The following NETO2 variants were observed in gnomAD, a reference collection of about 807,000 sequenced individuals.
NETO2 encodes the protein neuropilin and tolloid like 2.
In NETO2, 28 loss-of-function variants were observed where a neutral mutation model predicts 62.5. That is an observed-to-expected ratio of 0.45 (90% CI 0.33 to 0.61). NETO2 has a LOEUF of 0.61. NETO2 is among the 20% of genes least tolerant of loss of function. The probability of loss-of-function intolerance (pLI) is 0.02; values close to 1 mark genes in which losing one functional copy is unlikely to be tolerated. For synonymous variants in NETO2, 214 were observed against 219.1 expected (o/e 0.98, Z 0.21); for missense variants, 548 against 643.2 (o/e 0.85, Z 1.60).
intron 4 of NETO2, among the ~76,000 whole-genome samples, chr16:47,127,505 G>C (rs1240419698): frequency 6.6e-6 from 1 of 152,180 alleles, no homozygotes; most frequent in Non-Finnish European, 1.5e-5. Context: ...ATTAGGTTAA[G>C]GATCTTGAAA....
At chr16:47,132,262 A>G (rs2151492097) in intron 1 of NETO2, among the ~76,000 whole-genome samples, 1 of 152,144 alleles carries the variant, frequency 6.6e-6, no homozygotes, top group Middle Eastern at 3.4e-3. Flanking sequence ...TTAATAATAC[A>G]TGGCATTGAA....
At chr16:47,092,447 A>T (rs1963332132) in intron 7 of NETO2, among the ~76,000 whole-genome samples, 1 of 152,076 alleles carries the variant, frequency 6.6e-6, no homozygotes, top group South Asian at 2.1e-4. Flanking sequence ...TACATTCTTT[A>T]TTTCATACCA....
intron 7 of NETO2, among the ~76,000 whole-genome samples, chr16:47,086,963 A>C (rs1296679890): frequency 6.6e-6 from 1 of 152,194 alleles, no homozygotes; most frequent in African/African-American, 2.4e-5. Context: ...CATAAAAAGA[A>C]ATGAAATTAT....
chr16:47,086,435 C>A (rs555174691), intron 7 of NETO2, 96 bp from the exon 8 acceptor site: 1 of 727,770 alleles, frequency 1.4e-6, no homozygotes. Context: ...ACTTTCTTAC[C>A]GCAAAGGCCT....
intron 7 of NETO2, among the ~76,000 whole-genome samples, chr16:47,099,689 T>A (rs1596711657): frequency 6.6e-6 from 1 of 151,058 alleles, no homozygotes; most frequent in African/African-American, 2.4e-5. Flanking sequence ...GACTTTAAAC[T>A]AACAATGATC....
rs868735494 is a variant in NETO2 at position 47,115,730 on chromosome 16, T to C, written c.655-6019A>G. On this transcript the variant is annotated intron_variant, in intron 6 of 8. Transcript: ENST00000562435. Reference sequence around the variant, plus strand: ...ATATATATACATATATATATATATATACATGTATATATATATATTTTGTAG... The same window carrying C: ...ATATATATACATATATATATATATACACATGTATATATATATATTTTGTAG... 5.1e-4 allele frequency among the ~76,000 whole-genome samples: 64 copies of C among 125,982 alleles called. 2 individuals carry two copies. The highest frequency in any genetic ancestry group is 3.8e-3 in the Middle Eastern group (1 of 260). The allele number at this position is 125,982 out of a possible 152,430, so 82.6% of individuals were successfully genotyped here.
Position 47,122,784 on chromosome 16 carries a change from T to C in NETO2, c.527A>G (p.Asp176Gly). 1 of 1,613,870 alleles carries C rather than the reference T, an allele frequency of 6.2e-7. No individual in the cohort carries two copies. The highest frequency in any genetic ancestry group is 8.5e-7 in the Non-Finnish European group (1 of 1,179,980). The change falls in exon 6 of 9, where the codon GAT (aspartate) becomes GGT (glycine). Residue 176 changes from aspartate (D) to glycine (G), a missense_variant and splice_region_variant. Asp to Gly is a moderately conservative substitution (Grantham distance 94). Coordinates refer to ENST00000562435, the MANE Select transcript of NETO2 (RefSeq NM_018092.5). The stretch of plus-strand genomic sequence containing the variant: ...AGCTCCCGAGAGCTCGAACTGACAA[T>C]CTGGAAGGAATACATGAAAGGTGTT... The part of the protein sequence containing the change: ...YLGGILNPIP[D>G]CQFELSGADG...
At position 47,134,754 on chromosome 16, in the gene NETO2, G is replaced by A. The variant is rs554606088; in HGVS notation, c.35-2729C>T. On this transcript the variant is annotated intron_variant, in intron 1 of 8. Transcript: ENST00000562435. ...AGGCAAGACAGCAACGGCAACTATG[G>A]CAAAGGGATGAACTGTGCCAGCACA... 2.0e-5 allele frequency among the ~76,000 whole-genome samples: 3 copies of A among 152,330 alleles called. No individual in the cohort carries two copies. The South Asian group carries it at 6.2e-4, about 32-fold the overall frequency.
At chr16:47,125,478 T>G (rs1414631580) in intron 4 of NETO2, among the ~76,000 whole-genome samples, 1 of 151,878 alleles carries the variant, frequency 6.6e-6, no homozygotes, top group Non-Finnish European at 1.5e-5. Flanking sequence ...CCTGAGTGGG[T>G]GGGATTACAG....
chr16:47,111,725 G>A (rs568876680), intron 6 of NETO2, among the ~76,000 whole-genome samples: 2 of 152,262 alleles, frequency 1.3e-5, no homozygotes, highest in South Asian at 2.1e-4. Context: ...CTGCAGATGC[G>A]AACTTTCCCT....
chr16:47,133,678 G>A (rs904454925), intron 1 of NETO2, among the ~76,000 whole-genome samples: 1 of 151,140 alleles, frequency 6.6e-6, no homozygotes, highest in Non-Finnish European at 1.5e-5. Flanking sequence ...ATGGAGGCAT[G>A]AGCTCTAACC....
intron 6 of NETO2, among the ~76,000 whole-genome samples, chr16:47,112,912 A>C (rs1963830001): frequency 6.6e-6 from 1 of 152,348 alleles, no homozygotes; most frequent in African/African-American, 2.4e-5. Flanking sequence ...TTTCATACTT[A>C]CATATCTATA....
In NETO2 at chr16:47,078,595, A is replaced by T. The variant is rs954284598; in HGVS notation, c.*4626T>A. 6 of 152,234 alleles carry T rather than the reference A, an allele frequency of 3.9e-5. No individual in the cohort carries two copies. The highest frequency in any genetic ancestry group is 7.3e-5 in the Non-Finnish European group (5 of 68,036). The allele number at this position is 152,234 out of a possible 1,614,324, so 9.4% of individuals were successfully genotyped here. A position where few individuals can be genotyped will look rare whatever the true frequency, so the allele number is the denominator to read the frequency against. ...TATTAGCAGAGGTATATAAAACATA[A>T]GTGATTTTGCAGAAAACTAAAATAT... On this transcript the variant is annotated 3_prime_UTR_variant, in exon 9 of 9. Transcript: ENST00000562435.
intron 6 of NETO2, among the ~76,000 whole-genome samples, chr16:47,117,418 G>A (rs1376560112): frequency 6.6e-6 from 1 of 152,032 alleles, no homozygotes; most frequent in Admixed American, 6.6e-5. Flanking sequence ...TTCAAGTTTG[G>A]GACTTTTTAG....
intron 2 of NETO2, among the ~76,000 whole-genome samples, chr16:47,131,718 T>C (rs1964269539): frequency 6.6e-6 from 1 of 152,228 alleles, no homozygotes; most frequent in Admixed American, 6.5e-5. Flanking sequence ...TTTTTGGACA[T>C]AATCCACAGT....
chr16:47,131,869 C>G (rs1964272440), intron 2 of NETO2, 100 bp downstream of exon 2: 2 of 968,118 alleles, frequency 2.1e-6, no homozygotes, highest in Admixed American at 3.5e-5. Flanking sequence ...TGGAACACCC[C>G]AAAGGGATTA....
chr16:47,079,563 C>A lies in NETO2; in HGVS notation c.*3658G>T, dbSNP rs1034908737. 5 of 152,418 alleles carry A rather than the reference C, an allele frequency of 3.3e-5. No individual in the cohort carries two copies. The highest frequency in any genetic ancestry group is 4.4e-5 in the Non-Finnish European group (3 of 68,254). 9.4% of individuals were successfully genotyped at this position (152,418 alleles called of 1,614,324 possible). A position where few individuals can be genotyped will look rare whatever the true frequency, so the allele number is the denominator to read the frequency against. Reference sequence around the variant, plus strand: ...TGAGCCGAGATCGCGCCACTGCACTCCAGCCTGGGCGACAGAGCGAGACTC... The same window carrying A: ...TGAGCCGAGATCGCGCCACTGCACTACAGCCTGGGCGACAGAGCGAGACTC... On this transcript the variant is annotated 3_prime_UTR_variant, in exon 9 of 9. Transcript: ENST00000562435.
chr16:47,082,911 G>T lies in NETO2; in HGVS notation c.*310C>A. On this transcript the variant is annotated 3_prime_UTR_variant, in exon 9 of 9. Coordinates refer to ENST00000562435, the MANE Select transcript of NETO2 (RefSeq NM_018092.5). Reference sequence around the variant, plus strand: ...AGAGCAGTCTTCTTGTTGCTAAAACGAAGAGGCAGCCTGAGCCTGGCTCCA... The same window carrying T: ...AGAGCAGTCTTCTTGTTGCTAAAACTAAGAGGCAGCCTGAGCCTGGCTCCA... The T allele has an allele frequency of 3.7e-6, 1 of 267,790 alleles. No homozygotes were observed. The allele number at this position is 267,790 out of a possible 1,614,324, so 16.6% of individuals were successfully genotyped here.
chr16:47,104,608 T>G (rs1243293733), intron 7 of NETO2, among the ~76,000 whole-genome samples: 3 of 152,256 alleles, frequency 2.0e-5, no homozygotes, highest in Non-Finnish European at 4.4e-5. Context: ...GGAGGACTCA[T>G]ACTTCCTGAT....
Sources: gnomAD v4.1 joint callset for allele counts (sites outside exome capture counted in the v4.1 genomes callset) on GRCh38, gnomAD v4.1.1 for gene constraint, MANE v1.5 for transcripts, NCBI Gene and HGNC (gene_info 2026-07-23, HGNC 2026-07-21) for gene names.